Variants in SHISA6 observed in about 807,000 individuals in gnomAD.
The protein encoded by SHISA6 is shisa family member 6.
SHISA6 carries 22 observed loss-of-function variants against 47.9 expected under a neutral mutation model. The observed-to-expected ratio is 0.46, with a 90% CI of 0.33 to 0.66. SHISA6 has a LOEUF of 0.66. Among genes scored for constraint, SHISA6 ranks in the 30% least tolerant of loss-of-function variants. The pLI is 0.02. For synonymous variants in SHISA6, 388 were observed against 337.8 expected (o/e 1.15, Z -1.63); for missense variants, 680 against 764.6 (o/e 0.89, Z 1.30).
intron 3 of SHISA6, among the ~76,000 whole-genome samples, chr17:11,487,175 A>G (rs1916371174): frequency 6.6e-6 from 1 of 152,192 alleles, no homozygotes; most frequent in African/African-American, 2.4e-5. Context: ...GGCTTGCTTC[A>G]GCACAGGAGA....
At position 11,241,575 on chromosome 17, in the gene SHISA6, G is replaced by C; in HGVS notation, c.153G>C (p.Leu51=). The change falls in exon 1 of 6, where the codon CTG becomes CTC. Residue 51 remains leucine (L), a synonymous_variant. Coordinates refer to ENST00000441885, the MANE Select transcript of SHISA6 (RefSeq NM_207386.4). The surrounding 1 kb of genome is among the most constrained non-coding windows in gnomAD (Gnocchi z 5.5). ...GGGGCCGGAGGGCCGGGGGCGCCCT[G>C]GCACGGGGCGGCCGCGAGCTGAACG... ...AVGGRRAGGA[L]ARGGRELNGT... is the part of the protein sequence containing the mutation. 8.9e-7 allele frequency: 1 copy of C among 1,120,726 alleles called. No homozygotes were observed. The highest frequency in any genetic ancestry group is 4.9e-5 in the East Asian group (1 of 20,206). The allele number at this position is 1,120,726 out of a possible 1,614,324, so 69.4% of individuals were successfully genotyped here. A position where few individuals can be genotyped will look rare whatever the true frequency, so the allele number is the denominator to read the frequency against.
intron 2 of SHISA6, among the ~76,000 whole-genome samples, chr17:11,360,867 GT>G (rs1276141727): frequency 6.6e-6 from 1 of 151,184 alleles, no homozygotes; most frequent in African/African-American, 2.4e-5. Flanking sequence ...TTCCAAAAGG[GT>G]ATATGGGGTG....
intron 3 of SHISA6, among the ~76,000 whole-genome samples, chr17:11,480,051 C>A (rs1216120595): frequency 6.6e-6 from 1 of 152,102 alleles, no homozygotes; most frequent in Non-Finnish European, 1.5e-5. Flanking sequence ...AGGATAATTT[C>A]ACAGGATACA....
chr17:11,361,245 T>C (rs934579836), intron 2 of SHISA6, among the ~76,000 whole-genome samples: 1 of 152,174 alleles, frequency 6.6e-6, no homozygotes, highest in Non-Finnish European at 1.5e-5. Context: ...AGTTCATATA[T>C]ACATTGTTTT....
At chr17:11,478,920 A>AC (rs1916144091) in intron 3 of SHISA6, among the ~76,000 whole-genome samples, 1 of 151,250 alleles carries the variant, frequency 6.6e-6, no homozygotes, top group Non-Finnish European at 1.5e-5. Context: ...TTTTGGTTCC[A>AC]TATGAACTTT....
intron 2 of SHISA6, among the ~76,000 whole-genome samples, chr17:11,327,504 G>A (rs947647329): frequency 1.3e-5 from 2 of 152,146 alleles, no homozygotes; most frequent in African/African-American, 4.8e-5. Context: ...TCTAGTAGTG[G>A]CAGTGATAAA....
intron 3 of SHISA6, among the ~76,000 whole-genome samples, chr17:11,474,213 T>G (rs1195089984): frequency 5.9e-5 from 9 of 152,092 alleles, no homozygotes; most frequent in Admixed American, 5.9e-4. Context: ...TCCACAGCCT[T>G]GGCAGTATCT....
intron 2 of SHISA6, among the ~76,000 whole-genome samples, chr17:11,273,519 A>C (rs1032665882): frequency 2.0e-5 from 3 of 152,238 alleles, no homozygotes; most frequent in African/African-American, 7.2e-5. Context: ...GAGAGGAGCA[A>C]CTTGGGCATT....
chr17:11,412,877 A>G (rs908123417), intron 3 of SHISA6, among the ~76,000 whole-genome samples: 10 of 152,164 alleles, frequency 6.6e-5, no homozygotes, highest in Non-Finnish European at 1.3e-4. Context: ...GGGAAGCACT[A>G]GAAAGTAGGG....
rs998244387 is a variant in SHISA6 at position 11,562,585 on chromosome 17, A to G, written c.*4281A>G. On this transcript the variant is annotated 3_prime_UTR_variant, in exon 6 of 6. Transcript: ENST00000441885. ...GGAAGGCAGCATACTCTAGGAGAAA[A>G]AAAGCATAGGGCTGAGGCTCTGAAG... 3 of 152,036 alleles carry G rather than the reference A, an allele frequency of 2.0e-5. No individual in the cohort carries two copies. Among genetic ancestry groups the G allele is most frequent in the Admixed American group, 6.5e-5 (1 of 15,270 alleles). The allele number at this position is 152,036 out of a possible 1,614,324, so 9.4% of individuals were successfully genotyped here. A position where few individuals can be genotyped will look rare whatever the true frequency, so the allele number is the denominator to read the frequency against.
chr17:11,537,724 T>C (rs968692727), intron 3 of SHISA6, among the ~76,000 whole-genome samples: 5 of 152,218 alleles, frequency 3.3e-5, no homozygotes. Context: ...TTGATTCATT[T>C]ACTTATTTAT....
At chr17:11,338,385 C>A (rs986752569) in intron 2 of SHISA6, among the ~76,000 whole-genome samples, 4 of 151,914 alleles carry the variant, frequency 2.6e-5, no homozygotes, top group Non-Finnish European at 5.9e-5. Flanking sequence ...ATACCAGAAG[C>A]CTTTTTTGTT....
intron 3 of SHISA6, among the ~76,000 whole-genome samples, chr17:11,539,379 T>C (rs1446247335): frequency 6.6e-6 from 1 of 152,262 alleles, no homozygotes; most frequent in African/African-American, 2.4e-5. Flanking sequence ...TGAATGATCA[T>C]GAAGAATGGC....
chr17:11,257,061 G>A (rs1236675663), intron 1 of SHISA6, among the ~76,000 whole-genome samples: 1 of 152,196 alleles, frequency 6.6e-6, no homozygotes, highest in African/African-American at 2.4e-5. Context: ...GCTCAATGCA[G>A]ATGCACAGAC....
In SHISA6 at chr17:11,306,755, C is replaced by G. The variant is rs974251568; in HGVS notation, c.799+43229C>G. Among the ~76,000 whole-genome samples, 18 of 152,292 alleles carry G rather than the reference C, an allele frequency of 1.2e-4. No homozygotes were observed. In the South Asian group the frequency reaches 3.7e-3, roughly 32 times the overall value. ...ACTTAATAGGCTTCTGGTCTACTTG[C>G]TTCCTGTCAGTTCCATGTTCCAGCA... On this transcript the variant is annotated intron_variant, in intron 2 of 5. Transcript: ENST00000441885.
In SHISA6 at chr17:11,496,468, G is replaced by A. The variant is rs561671989; in HGVS notation, c.896-55428G>A. 5.1e-4 allele frequency among the ~76,000 whole-genome samples: 78 copies of A among 152,262 alleles called. 1 individual carries two copies. The South Asian group carries it at 0.016, about 30-fold the overall frequency. Reference sequence around the variant, plus strand: ...CGGGATAGAAGTGGGGGCCGGGTACGGTGGCTCACGCCTGTAATCCCAACA... The same window carrying A: ...CGGGATAGAAGTGGGGGCCGGGTACAGTGGCTCACGCCTGTAATCCCAACA... On this transcript the variant is annotated intron_variant, in intron 3 of 5. Transcript: ENST00000441885.
intron 3 of SHISA6, among the ~76,000 whole-genome samples, chr17:11,401,199 G>C (rs1490169133): frequency 1.3e-5 from 2 of 152,084 alleles, no homozygotes; most frequent in South Asian, 2.1e-4. Flanking sequence ...TTTTGTTTGT[G>C]TGTTTTTGTT....
chr17:11,518,587 T>C lies in SHISA6; in HGVS notation c.896-33309T>C, dbSNP rs73286871. Among the ~76,000 whole-genome samples, 662 of 152,320 alleles carry C rather than the reference T, an allele frequency of 4.3e-3. 3 individuals are homozygous for C. The highest frequency in any genetic ancestry group is 0.015 in the African/African-American group (626 of 41,572). ...GGGTTTGACACTCCCAGGTATCTTA[T>C]TGTTTTTCTCTAACATGTTTGTTTT... On this transcript the variant is annotated intron_variant, in intron 3 of 5. Transcript: ENST00000441885.
In SHISA6 at chr17:11,395,616, C is replaced by T. The variant is rs543908723; in HGVS notation, c.895+16107C>T. Among the ~76,000 whole-genome samples, 108 of 149,192 alleles carry T rather than the reference C, an allele frequency of 7.2e-4. 1 individual carries two copies. The highest frequency in any genetic ancestry group is 2.4e-3 in the African/African-American group (97 of 40,452). On this transcript the variant is annotated intron_variant, in intron 3 of 5. Coordinates refer to ENST00000441885, the MANE Select transcript of SHISA6 (RefSeq NM_207386.4). The stretch of plus-strand genomic sequence containing the variant: ...CACTGCAAGCTCCGCCTCCCGGGTT[C>T]AAGCGATTCTCCTGCCTCAGCTTCC...
Sources: allele counts gnomAD v4.1 joint callset (sites outside exome capture counted in the v4.1 genomes callset), GRCh38; gene constraint gnomAD v4.1.1; non-coding constraint Gnocchi (gnomAD v3.1); transcripts MANE v1.5; gene names NCBI Gene and HGNC (gene_info 2026-07-23, HGNC 2026-07-21).